Variants in ABI2 observed in about 807,000 individuals in gnomAD.
The protein encoded by ABI2 is abelson interactor 2.
ABI2 carries 25 observed loss-of-function variants against 59.2 expected under a neutral mutation model. The observed-to-expected ratio is 0.42, with a 90% CI of 0.31 to 0.59. The LOEUF (loss-of-function observed/expected upper bound fraction) is 0.59, where lower values mean the gene tolerates loss of function less well. Ranked by LOEUF, ABI2 falls within the 20% of genes least tolerant of loss-of-function variation. The pLI is 0.14. For missense variants in ABI2, 545 were observed against 681.8 expected, an observed-to-expected ratio of 0.80 and a Z score of 2.23; for synonymous variants, 213 against 235.5, an observed-to-expected ratio of 0.90 and a Z score of 0.87.
chr2:203,360,176 C>T (rs139728489), intron 1 of ABI2, among the ~76,000 whole-genome samples: 90 of 90,154 alleles, frequency 1.0e-3, no homozygotes, highest in African/African-American at 3.6e-3. Flanking sequence ...CAGAACGAGA[C>T]TCCATCTCAA....
At chr2:203,381,821 T>A (rs6747611) in intron 3 of ABI2, among the ~76,000 whole-genome samples, 5,025 of 152,304 alleles carry the variant, frequency 0.033, 153 homozygotes, top group East Asian at 0.092. Flanking sequence ...CCCATTTTTT[T>A]AAAATATATA....
At chr2:203,373,300 A>G (rs2153094538) in intron 2 of ABI2, among the ~76,000 whole-genome samples, 1 of 152,336 alleles carries the variant, frequency 6.6e-6, no homozygotes, top group South Asian at 2.1e-4. Flanking sequence ...GTCTCCACCA[A>G]AAAAGTACGA....
At position 203,411,454 on chromosome 2, in the gene ABI2, A is replaced by G. The variant is rs1366125505; in HGVS notation, c.1279+83A>G. Reference sequence around the variant, plus strand: ...TATGTGATTGACTGGATAGTCATTCATTTGCTGATACTTCAACATTTCAAT... The same window carrying G: ...TATGTGATTGACTGGATAGTCATTCGTTTGCTGATACTTCAACATTTCAAT... On this transcript the variant is annotated intron_variant, in intron 10 of 11. Transcript: ENST00000261018. 2.9e-6 allele frequency: 3 copies of G among 1,038,720 alleles called. No homozygotes were observed. The African/African-American group carries it at 4.8e-5, about 16-fold the overall frequency. The allele number at this position is 1,038,720 out of a possible 1,614,324, so 64.3% of individuals were successfully genotyped here. A position where few individuals can be genotyped will look rare whatever the true frequency, so the allele number is the denominator to read the frequency against.
At chr2:203,328,933 A>G (rs1010206484) in intron 1 of ABI2, 2 of 248,510 alleles carry the variant, frequency 8.0e-6, no homozygotes, top group Non-Finnish European at 1.5e-5. Flanking sequence ...AGCGTTCCGG[A>G]TGGCGGAGGG....
intron 5 of ABI2, among the ~76,000 whole-genome samples, chr2:203,392,016 T>C (rs976862914): frequency 1.3e-5 from 2 of 152,040 alleles, no homozygotes; most frequent in Non-Finnish European, 2.9e-5. Context: ...AGAAGCCAGG[T>C]GATTAAAATT....
At chr2:203,363,079 C>T (rs1392271375) in intron 1 of ABI2, among the ~76,000 whole-genome samples, 2 of 152,252 alleles carry the variant, frequency 1.3e-5, no homozygotes, top group East Asian at 3.9e-4. Flanking sequence ...GATCCGCCTG[C>T]CTCGGCCTTG....
intron 4 of ABI2, among the ~76,000 whole-genome samples, chr2:203,383,462 A>G (rs1169721778): frequency 6.6e-6 from 1 of 152,128 alleles, no homozygotes; most frequent in Non-Finnish European, 1.5e-5. Flanking sequence ...TGATGTGTTA[A>G]CCTCCAAAGT....
At chr2:203,413,322 G>T (rs2097756820) in intron 10 of ABI2, among the ~76,000 whole-genome samples, 1 of 152,236 alleles carries the variant, frequency 6.6e-6, no homozygotes, top group South Asian at 2.1e-4. Flanking sequence ...GTTTTCGCCA[G>T]TCACCAGTGA....
At chr2:203,392,963 GCTC>G (rs1324404304) in intron 5 of ABI2, among the ~76,000 whole-genome samples, 2 of 98,052 alleles carry the variant, frequency 2.0e-5, no homozygotes, top group Non-Finnish European at 5.0e-5. Flanking sequence ...TTGTTCCTTT[GCTC>G]CTTTTTTTTT....
At chr2:203,380,093 C>G (rs1251930332) in intron 2 of ABI2, 115 bp from the exon 3 acceptor site, 13 of 638,798 alleles carry the variant, frequency 2.0e-5, no homozygotes, top group Non-Finnish European at 3.2e-5. Context: ...AAAAATTTAG[C>G]AAGCATAGTT....
intron 2 of ABI2, among the ~76,000 whole-genome samples, chr2:203,369,238 G>A (rs979860442): frequency 6.6e-6 from 1 of 151,664 alleles, no homozygotes; most frequent in Non-Finnish European, 1.5e-5. Flanking sequence ...CATGTTTGAA[G>A]CATTAGCAAA....
At chr2:203,424,276 T>G (rs2098341872) in intron 11 of ABI2, among the ~76,000 whole-genome samples, 1 of 152,222 alleles carries the variant, frequency 6.6e-6, no homozygotes, top group Non-Finnish European at 1.5e-5. Context: ...TCAAGAGTAT[T>G]TTGCTTTTTG....
intron 1 of ABI2, among the ~76,000 whole-genome samples, chr2:203,356,866 A>T (rs1379290092): frequency 6.6e-6 from 1 of 151,766 alleles, no homozygotes; most frequent in Non-Finnish European, 1.5e-5. Flanking sequence ...TTTTTTAGGT[A>T]ATAAGATGTA....
At chr2:203,376,699 A>ATTGTTATC (rs2095708495) in intron 2 of ABI2, among the ~76,000 whole-genome samples, 1 of 99,894 alleles carries the variant, frequency 1.0e-5, no homozygotes, top group African/African-American at 3.6e-5. Context: ...TTTTAGGCTT[A>ATTGTTATC]TTGTTATCTT....
chr2:203,426,335 A>C (rs1285617637), intron 11 of ABI2, among the ~76,000 whole-genome samples: 1 of 152,166 alleles, frequency 6.6e-6, no homozygotes, highest in Non-Finnish European at 1.5e-5. Context: ...GGAATTGAGG[A>C]TGTTACAGGG....
At chr2:203,394,891 T>C (rs1164098102) in intron 6 of ABI2, 45 bp downstream of exon 6, 2 of 1,598,412 alleles carry the variant, frequency 1.3e-6, no homozygotes, top group South Asian at 2.2e-5. Flanking sequence ...CATAGTACCA[T>C]AATCTGTTCA....
At chr2:203,379,564 C>G (rs534924947) in intron 2 of ABI2, among the ~76,000 whole-genome samples, 1 of 152,234 alleles carries the variant, frequency 6.6e-6, no homozygotes, top group South Asian at 2.1e-4. Context: ...TATTTCAGCC[C>G]TCTTTCTTTT....
Position 203,430,456 on chromosome 2 carries a change from T to C in ABI2, c.*3104T>C, listed in dbSNP as rs2098474279. 3 of 152,186 alleles carry C rather than the reference T, an allele frequency of 2.0e-5. No homozygotes were observed. Among genetic ancestry groups the C allele is most frequent in the African/African-American group, 7.2e-5 (3 of 41,440 alleles). 9.4% of individuals were successfully genotyped at this position (152,186 alleles called of 1,614,324 possible). A position where few individuals can be genotyped will look rare whatever the true frequency, so the allele number is the denominator to read the frequency against. On this transcript the variant is annotated 3_prime_UTR_variant, in exon 12 of 12. Coordinates refer to ENST00000261018, the MANE Select transcript of ABI2 (RefSeq NM_001375670.1). Reference sequence around the variant, plus strand: ...TGTCATATTAATACTCGAAAGTCCATGGTGGTATTAATGAAAGTACACTTT... The same window carrying C: ...TGTCATATTAATACTCGAAAGTCCACGGTGGTATTAATGAAAGTACACTTT...
chr2:203,414,394 G>A (rs1033028809), intron 10 of ABI2, among the ~76,000 whole-genome samples: 4 of 151,998 alleles, frequency 2.6e-5, no homozygotes, highest in African/African-American at 7.2e-5. Flanking sequence ...GAGCCTCCCC[G>A]CCTGGCCTTG....
Sources: allele counts gnomAD v4.1 joint callset (sites outside exome capture counted in the v4.1 genomes callset), GRCh38; gene constraint gnomAD v4.1.1; transcripts MANE v1.5; gene names NCBI Gene and HGNC (gene_info 2026-07-23, HGNC 2026-07-21).